The following DZIP1L variants were observed in gnomAD, a reference collection of about 807,000 sequenced individuals.
DZIP1L encodes the protein cilium assembly protein DZIP1L.
Under a neutral mutation model 88.7 loss-of-function variants are expected in DZIP1L, and 90 were observed. That is an observed-to-expected ratio of 1.02 (90% CI 0.86 to 1.21). The LOEUF (loss-of-function observed/expected upper bound fraction) is 1.21, where lower values mean the gene tolerates loss of function less well. DZIP1L is among the 50% of genes most tolerant of loss of function. The pLI, the probability that DZIP1L is intolerant of heterozygous loss-of-function variation, is 0.00. For synonymous variants in DZIP1L, 363 were observed against 372.1 expected, an observed-to-expected ratio of 0.98 and a Z score of 0.28; for missense variants, 932 against 955.8, an observed-to-expected ratio of 0.98 and a Z score of 0.33.
rs771045432 is a variant in DZIP1L at position 138,067,567 on chromosome 3, A to C, written c.1966T>G (p.Ser656Ala). The C allele has an allele frequency of 2.9e-5, 47 of 1,610,602 alleles. No homozygotes were observed. The highest frequency in any genetic ancestry group is 4.0e-5 in the Non-Finnish European group (47 of 1,178,556). ...DDWDWSDTET[S>A]EENAQPPGQG... ...CCAGGGGGCTGGGCATTCTCCTCCG[A>C]GGTCTCTGTGTCAGACCAGTCCCAG... The change falls in exon 14 of 16, where the codon TCG (serine) becomes GCG (alanine). Residue 656 changes from serine (S) to alanine (A), a missense_variant. Physicochemically the swap from Ser to Ala is moderately conservative, Grantham distance 99. Coordinates refer to ENST00000327532, the MANE Select transcript of DZIP1L (RefSeq NM_173543.3).
chr3:138,073,353 T>G (rs1335533137), intron 11 of DZIP1L, among the ~76,000 whole-genome samples: 1 of 152,140 alleles, frequency 6.6e-6, no homozygotes, highest in African/African-American at 2.4e-5. Flanking sequence ...GGTGCTGGAA[T>G]AGTATCCACG....
At chr3:138,113,188 T>G (rs1372238067) in intron 1 of DZIP1L, among the ~76,000 whole-genome samples, 1 of 152,204 alleles carries the variant, frequency 6.6e-6, no homozygotes, top group Non-Finnish European at 1.5e-5. Context: ...CCACCCTTGC[T>G]TTGCACACTC....
At chr3:138,090,327 GAAC>G (rs775560188) in intron 5 of DZIP1L, among the ~76,000 whole-genome samples, 5 of 152,088 alleles carry the variant, frequency 3.3e-5, no homozygotes, top group Admixed American at 2.0e-4. Context: ...GGTGGTTTCT[GAAC>G]AACAACTTCA....
chr3:138,085,874 T>C (rs922063945), intron 7 of DZIP1L, among the ~76,000 whole-genome samples: 2 of 152,148 alleles, frequency 1.3e-5, no homozygotes, highest in African/African-American at 4.8e-5. Flanking sequence ...CCATCAATGA[T>C]AGACTGGATT....
rs1336349580 is a variant in DZIP1L, at chr3:138,082,027, C to T, written c.1204-263G>A. On this transcript the variant is annotated intron_variant, in intron 8 of 15. Transcript: ENST00000327532. Reference sequence around the variant, plus strand: ...CCCTCTTCAAAGAAGAATTATGCCTCGAGGGCAGGAGCCCCATAGAAACAG... The same window carrying T: ...CCCTCTTCAAAGAAGAATTATGCCTTGAGGGCAGGAGCCCCATAGAAACAG... Among the ~76,000 whole-genome samples, 2 of 152,204 alleles carry T rather than the reference C, an allele frequency of 1.3e-5. No individual in the cohort carries two copies. Among genetic ancestry groups the T allele is most frequent in the East Asian group, 3.8e-4 (2 of 5,200 alleles).
chr3:138,063,928 T>C lies in DZIP1L; in HGVS notation c.2142+700A>G, dbSNP rs1197641070. Among the ~76,000 whole-genome samples the C allele has an allele frequency of 2.0e-5, 3 of 152,174 alleles. No individual in the cohort carries two copies. Among genetic ancestry groups the C allele is most frequent in the Non-Finnish European group, 4.4e-5 (3 of 68,034 alleles). ...CTGATTATCCCAGGATGCACCTTTTTGATACAGAAAGGTGAGAAAGGAGTG... is the reference window on the plus strand; with the variant it reads ...CTGATTATCCCAGGATGCACCTTTTCGATACAGAAAGGTGAGAAAGGAGTG... On this transcript the variant is annotated intron_variant, in intron 15 of 15. Transcript: ENST00000327532. This position sits in a 1 kb window ranked among gnomAD's most constrained non-coding sequence, Gnocchi z 4.1.
At chr3:138,089,877 A>C (rs937310299) in intron 5 of DZIP1L, among the ~76,000 whole-genome samples, 2 of 152,132 alleles carry the variant, frequency 1.3e-5, no homozygotes, top group African/African-American at 2.4e-5. Context: ...GGCCAAGCGC[A>C]GTGACTCAAG....
intron 5 of DZIP1L, among the ~76,000 whole-genome samples, chr3:138,090,951 T>G (rs557205022): frequency 1.8e-4 from 27 of 151,390 alleles, no homozygotes; most frequent in Non-Finnish European, 3.1e-4. Context: ...TGGCGTGATC[T>G]CAGTTCACTG....
intron 11 of DZIP1L, among the ~76,000 whole-genome samples, chr3:138,072,278 C>A (rs1220586206): frequency 6.6e-6 from 1 of 152,130 alleles, no homozygotes; most frequent in Non-Finnish European, 1.5e-5. Context: ...AATCCAAGTA[C>A]CCTTTCAAGA....
At chr3:138,091,536 T>C (rs886922765) in intron 5 of DZIP1L, among the ~76,000 whole-genome samples, 1 of 149,280 alleles carries the variant, frequency 6.7e-6, no homozygotes, top group Non-Finnish European at 1.5e-5. Flanking sequence ...GAGAATCACT[T>C]GAACCCAGGA....
rs2042675856 is a variant in DZIP1L at position 138,115,434 on chromosome 3, C to G, written c.-188G>C. On this transcript the variant is annotated 5_prime_UTR_variant, in exon 1 of 16. Coordinates refer to ENST00000327532, the MANE Select transcript of DZIP1L (RefSeq NM_173543.3). Reference sequence around the variant, plus strand: ...GACTTGCTCCACCGCCCCAGACAGCCCAGAGATGGTTCCCGGAATGCTCAC... The same window carrying G: ...GACTTGCTCCACCGCCCCAGACAGCGCAGAGATGGTTCCCGGAATGCTCAC... The G allele has an allele frequency of 6.6e-6, 1 of 152,402 alleles. No individual in the cohort carries two copies. Among genetic ancestry groups the G allele is most frequent in the South Asian group, 2.1e-4 (1 of 4,838 alleles). 9.4% of individuals were successfully genotyped at this position (152,402 alleles called of 1,614,324 possible).
Position 138,108,362 on chromosome 3 carries a change from C to T in DZIP1L, c.-81-4310G>A, listed in dbSNP as rs147950470. ...CAGGTGAGCTCACCTGAGAACTGCACTGTTTAACTATTTAAGCTTTGGCGT... is the reference window on the plus strand; with the variant it reads ...CAGGTGAGCTCACCTGAGAACTGCATTGTTTAACTATTTAAGCTTTGGCGT... On this transcript the variant is annotated intron_variant, in intron 1 of 15. Transcript: ENST00000327532. Among the ~76,000 whole-genome samples, 1,147 of 152,214 alleles carry T rather than the reference C, an allele frequency of 7.5e-3. 8 individuals are homozygous for T. Among genetic ancestry groups the T allele is most frequent in the Admixed American group, 0.016 (247 of 15,280 alleles).
At position 138,095,159 on chromosome 3, in the gene DZIP1L, T is replaced by C. The variant is rs145404895; in HGVS notation, c.587-176A>G. On this transcript the variant is annotated intron_variant, in intron 3 of 15. Transcript: ENST00000327532. ...CCCTCTGTTTCCCCAAACTGGAAAA[T>C]AGAGATAACAATAGCACCTAACTCA... Among the ~76,000 whole-genome samples the C allele has an allele frequency of 7.9e-3, 1,206 of 152,078 alleles. 14 individuals carry two copies. The highest frequency in any genetic ancestry group is 0.013 in the Non-Finnish European group (854 of 67,966).
At chr3:138,085,803 C>A (rs1943903391) in intron 7 of DZIP1L, among the ~76,000 whole-genome samples, 1 of 152,206 alleles carries the variant, frequency 6.6e-6, no homozygotes, top group South Asian at 2.1e-4. Flanking sequence ...AAGACACACG[C>A]ACACGTATGT....
rs970197178 is a variant in DZIP1L at position 138,092,487 on chromosome 3, T to G, written c.766A>C (p.Lys256Gln). The change falls in exon 5 of 16, where the codon AAA (lysine) becomes CAA (glutamine). Residue 256 changes from lysine (K) to glutamine (Q), a missense_variant. Transcript: ENST00000327532. ...TAAAGTTTGGTCCACTCTTGCTCTTTCCATTTATCAAATTCTTTCTTAGCT... is the reference window on the plus strand; with the variant it reads ...TAAAGTTTGGTCCACTCTTGCTCTTGCCATTTATCAAATTCTTTCTTAGCT... ...IEAKKEFDKW[K>Q]EQEWTKLYGE... is the part of the protein sequence containing the mutation. 12 of 1,601,402 alleles carry G rather than the reference T, an allele frequency of 7.5e-6. No homozygotes were observed. In the African/African-American group the frequency reaches 1.2e-4, roughly 16 times the overall value.
At chr3:138,111,338 G>C (rs2042616570) in intron 1 of DZIP1L, among the ~76,000 whole-genome samples, 1 of 152,202 alleles carries the variant, frequency 6.6e-6, no homozygotes, top group Non-Finnish European at 1.5e-5. Context: ...CTCAGACTTA[G>C]TAAATGCTTT....
chr3:138,076,311 G>T (rs1943404197), intron 11 of DZIP1L, among the ~76,000 whole-genome samples: 2 of 152,216 alleles, frequency 1.3e-5, no homozygotes, highest in African/African-American at 4.8e-5. Flanking sequence ...TACACTGTTG[G>T]TGGGAATGTA....
chr3:138,071,494 T>C, intron 12 of DZIP1L, 149 bp downstream of exon 12: 1 of 842,568 alleles, frequency 1.2e-6, no homozygotes, highest in Non-Finnish European at 1.7e-6. Context: ...CTGGACTCAG[T>C]CCCCTGTAAG....
At chr3:138,066,391 T>C (rs1942901699) in intron 14 of DZIP1L, among the ~76,000 whole-genome samples, 1 of 152,154 alleles carries the variant, frequency 6.6e-6, no homozygotes, top group African/African-American at 2.4e-5. Flanking sequence ...GGGGATATTC[T>C]TAACATTGGG....
Sources: gnomAD v4.1 joint callset for allele counts (sites outside exome capture counted in the v4.1 genomes callset) on GRCh38, gnomAD v4.1.1 for gene constraint, Gnocchi (gnomAD v3.1) non-coding constraint, MANE v1.5 for transcripts, NCBI Gene and HGNC (gene_info 2026-07-23, HGNC 2026-07-21) for gene names.